The following RBFOX1 variants were observed in gnomAD, a reference collection of about 807,000 sequenced individuals.
RBFOX1 encodes the protein RNA binding fox-1 homolog 1, also known as RNA binding protein fox-1 homolog 1.
Under a neutral mutation model 57.7 loss-of-function variants are expected in RBFOX1, and 8 were observed. The ratio of observed to expected loss-of-function variants is 0.14; its 90% CI spans 0.08 to 0.25. The LOEUF (loss-of-function observed/expected upper bound fraction) is 0.25. RBFOX1 is among the 10% of genes least tolerant of loss of function. The pLI is 1.00. For missense variants in RBFOX1, 611 were observed against 548.5 expected (o/e 1.11, Z -1.14); for synonymous variants, 326 against 222.4 (o/e 1.47, Z -4.15).
intron 1 of RBFOX1, among the ~76,000 whole-genome samples, chr16:5,454,808 C>T (rs12929210): frequency 2.3e-3 from 115 of 51,032 alleles, no homozygotes; most frequent in Middle Eastern, 0.014. Context: ...TCTTTCTTTC[C>T]CTTTCCTTTC....
intron 1 of RBFOX1, among the ~76,000 whole-genome samples, chr16:6,296,418 A>T (rs1367747289): frequency 1.5e-5 from 2 of 134,930 alleles, no homozygotes; most frequent in Admixed American, 7.5e-5. Context: ...CGGGGAGGGG[A>T]TGTACTTTTT....
At chr16:7,048,599 T>C (rs1190217004) in intron 3 of RBFOX1, among the ~76,000 whole-genome samples, 1 of 152,224 alleles carries the variant, frequency 6.6e-6, no homozygotes, top group Non-Finnish European at 1.5e-5. Flanking sequence ...TTGCTAATGC[T>C]GTCAATTTTT....
intron 2 of RBFOX1, among the ~76,000 whole-genome samples, chr16:6,582,954 T>C (rs1400329763): frequency 6.6e-6 from 1 of 151,620 alleles, no homozygotes; most frequent in Non-Finnish European, 1.5e-5. Context: ...TCTTTTCTCC[T>C]TTCCTTGAAT....
intron 4 of RBFOX1, among the ~76,000 whole-genome samples, chr16:7,187,669 A>G (rs2084232856): frequency 2.4e-5 from 3 of 126,506 alleles, no homozygotes; most frequent in South Asian, 5.6e-4. Flanking sequence ...AGCCTGGGCA[A>G]CAGAATGAGA....
At chr16:5,315,478 G>A (rs751858626) in intron 1 of RBFOX1, among the ~76,000 whole-genome samples, 2 of 152,078 alleles carry the variant, frequency 1.3e-5, no homozygotes, top group South Asian at 2.1e-4. Flanking sequence ...AGCAGCTCCC[G>A]GGGAACGGGG....
chr16:7,546,547 T>A (rs907781090), intron 5 of RBFOX1, among the ~76,000 whole-genome samples: 1 of 152,078 alleles, frequency 6.6e-6, no homozygotes, highest in Non-Finnish European at 1.5e-5. Flanking sequence ...GACCACCTGG[T>A]TGTTTATCTT....
chr16:5,274,766 G>A (rs959529848), intron 1 of RBFOX1, among the ~76,000 whole-genome samples: 2 of 152,140 alleles, frequency 1.3e-5, no homozygotes, highest in Non-Finnish European at 1.5e-5. Context: ...GCTTTTTTAG[G>A]GCAAGCAGGA....
At chr16:7,239,250 G>T (rs557392861) in intron 4 of RBFOX1, among the ~76,000 whole-genome samples, 1 of 152,272 alleles carries the variant, frequency 6.6e-6, no homozygotes, top group Non-Finnish European at 1.5e-5. Context: ...AGTAATCCCA[G>T]CAATTTAGGA....
chr16:7,020,119 A>G (rs1255675454), intron 3 of RBFOX1, among the ~76,000 whole-genome samples: 3 of 151,946 alleles, frequency 2.0e-5, no homozygotes, highest in Non-Finnish European at 2.9e-5. Context: ...TACAATTGTC[A>G]TGTCTCAGGC....
intron 3 of RBFOX1, among the ~76,000 whole-genome samples, chr16:6,970,262 A>G (rs2085241681): frequency 6.6e-6 from 1 of 152,184 alleles, no homozygotes; most frequent in Non-Finnish European, 1.5e-5. Context: ...CAGAATAAGA[A>G]GGCAGGGTAC....
chr16:6,622,953 C>G (rs1042201499), intron 2 of RBFOX1, among the ~76,000 whole-genome samples: 1 of 152,164 alleles, frequency 6.6e-6, no homozygotes, highest in Non-Finnish European at 1.5e-5. Flanking sequence ...GGTCTTCTTA[C>G]TTTAGACTCT....
chr16:5,984,970 A>T lies in RBFOX1; in HGVS notation c.351+117635A>T, dbSNP rs1478721149. On this transcript the variant is annotated intron_variant, in intron 4 of 19. Transcript: ENST00000641259. Reference sequence around the variant, plus strand: ...ATTATATATATATATATATATATATATATATATTTTTTTTTTTTTTTTTTT... The same window carrying T: ...ATTATATATATATATATATATATATTTATATATTTTTTTTTTTTTTTTTTT... 1.8e-3 allele frequency among the ~76,000 whole-genome samples: 95 copies of T among 53,166 alleles called. 1 individual carries two copies. Among genetic ancestry groups the T allele is most frequent in the African/African-American group, 3.7e-3 (42 of 11,418 alleles). 34.9% of individuals were successfully genotyped at this position (53,166 alleles called of 152,430 possible). A position where few individuals can be genotyped will look rare whatever the true frequency, so the allele number is the denominator to read the frequency against.
chr16:7,010,234 G>C (rs747019987), intron 3 of RBFOX1, among the ~76,000 whole-genome samples: 7 of 152,180 alleles, frequency 4.6e-5, no homozygotes, highest in Admixed American at 2.0e-4. Flanking sequence ...CAAATACACA[G>C]ACAACCTAGA....
chr16:6,521,733 C>T lies in RBFOX1; in HGVS notation c.-63-132870C>T, dbSNP rs141192255. On this transcript the variant is annotated intron_variant, in intron 2 of 15. Coordinates refer to ENST00000550418, the MANE Select transcript of RBFOX1 (RefSeq NM_018723.4). ...ACAAGAAAAAAAAATTGCAAAATTT[C>T]TGGGACTTGACTTTAGATACGCTTT... 1.9e-3 allele frequency among the ~76,000 whole-genome samples: 286 copies of T among 152,144 alleles called. 5 individuals are homozygous for T. The highest frequency in any genetic ancestry group is 0.016 in the Admixed American group (240 of 15,268).
chr16:5,752,496 T>C (rs1187455568), intron 3 of RBFOX1, among the ~76,000 whole-genome samples: 1 of 152,246 alleles, frequency 6.6e-6, no homozygotes, highest in Non-Finnish European at 1.5e-5. Flanking sequence ...CCCCTTGTTT[T>C]TGCCACCCAC....
intron 9 of RBFOX1, among the ~76,000 whole-genome samples, chr16:7,605,690 G>C (rs2095256359): frequency 6.6e-6 from 1 of 152,166 alleles, no homozygotes; most frequent in African/African-American, 2.4e-5. Context: ...ACCTCAGAAA[G>C]TTCTTACTGT....
At chr16:7,496,515 A>C (rs1011046526) in intron 4 of RBFOX1, among the ~76,000 whole-genome samples, 1 of 152,122 alleles carries the variant, frequency 6.6e-6, no homozygotes, top group African/African-American at 2.4e-5. Flanking sequence ...ATGAGGTAAT[A>C]GATGTCAGTC....
chr16:5,435,861 G>C (rs913914202), intron 1 of RBFOX1, among the ~76,000 whole-genome samples: 9 of 152,196 alleles, frequency 5.9e-5, no homozygotes, highest in Non-Finnish European at 1.3e-4. Context: ...TCCTCCATTT[G>C]TGGTTGTTTC....
At chr16:5,369,025 C>G (rs941622753) in intron 1 of RBFOX1, among the ~76,000 whole-genome samples, 3 of 151,952 alleles carry the variant, frequency 2.0e-5, no homozygotes, top group Admixed American at 1.3e-4. Context: ...TGTTTTGAGA[C>G]GAGTCTTGCT....
Sources: gnomAD v4.1 joint callset for allele counts (sites outside exome capture counted in the v4.1 genomes callset) on GRCh38, gnomAD v4.1.1 for gene constraint, MANE v1.5 for transcripts, NCBI Gene and HGNC (gene_info 2026-07-23, HGNC 2026-07-21) for gene names.